The following DGKB variants were observed in gnomAD, a reference collection of about 807,000 sequenced individuals.
DGKB encodes the protein diacylglycerol kinase beta.
In DGKB, 67 loss-of-function variants were observed where a neutral mutation model predicts 114.3. The observed-to-expected ratio is 0.59, with a 90% CI of 0.48 to 0.72. The LOEUF is 0.72. Among genes scored for constraint, DGKB ranks in the 30% least tolerant of loss-of-function variants. The probability of loss-of-function intolerance (pLI) is 0.00; values close to 1 mark genes in which losing one functional copy is unlikely to be tolerated. For missense variants in DGKB, 907 were observed against 975.2 expected (o/e 0.93, Z 0.93); for synonymous variants, 398 against 323.1 (o/e 1.23, Z -2.49).
At chr7:14,212,600 G>T (rs964320532) in intron 23 of DGKB, among the ~76,000 whole-genome samples, 1 of 152,006 alleles carries the variant, frequency 6.6e-6, no homozygotes, top group African/African-American at 2.4e-5. Flanking sequence ...CACCAATACG[G>T]CTTCAATTGC....
rs567132405 is a variant in DGKB at position 14,279,048 on chromosome 7, G to A, written c.2122+59467C>T. On this transcript the variant is annotated intron_variant, in intron 23 of 25. Coordinates refer to ENST00000402815, the MANE Select transcript of DGKB (RefSeq NM_001350709.2). ...CGCACCGTGAGCGAGCCGAAGCAGG[G>A]CGAGGCATTGCCTCACTCAGGAAGC... is the stretch of plus-strand genomic sequence containing the variant. Among the ~76,000 whole-genome samples the A allele has an allele frequency of 3.3e-5, 5 of 152,320 alleles. No homozygotes were observed. In the East Asian group the frequency reaches 9.7e-4, roughly 30 times the overall value.
Position 14,958,401 on chromosome 7 carries a change from C to CA in DGKB, c.-188+16294dup, listed in dbSNP as rs1786637324. Among the ~76,000 whole-genome samples, 3 of 147,046 alleles carry CA rather than the reference C, an allele frequency of 2.0e-5. No individual in the cohort carries two copies. In the South Asian group the frequency reaches 6.5e-4, roughly 32 times the overall value. On this transcript the variant is annotated intron_variant, in intron 1 of 4. Coordinates refer to the DGKB transcript ENST00000437998. ...CAGTTACTAGTTTTCCTGTTAAGCC[C>CA]AAACCCCACACCAATACCTCTCCCA...
chr7:14,331,677 A>G (rs1394704669), intron 23 of DGKB, among the ~76,000 whole-genome samples: 3 of 152,110 alleles, frequency 2.0e-5, no homozygotes, highest in African/African-American at 7.2e-5. Flanking sequence ...GCTCTTCCAA[A>G]ACTCATCTTT....
chr7:14,323,992 T>C lies in DGKB; in HGVS notation c.2122+14523A>G, dbSNP rs1214138374. Among the ~76,000 whole-genome samples, 3 of 152,300 alleles carry C rather than the reference T, an allele frequency of 2.0e-5. No homozygotes were observed. The East Asian group carries it at 5.8e-4, about 29-fold the overall frequency. On this transcript the variant is annotated intron_variant, in intron 23 of 25. Transcript: ENST00000402815. ...CTAAATTTTCAAAGTCTAGAGAAAATGTTTTGTCCATCCTACACAATTCCT... is the reference window on the plus strand; with the variant it reads ...CTAAATTTTCAAAGTCTAGAGAAAACGTTTTGTCCATCCTACACAATTCCT...
chr7:14,167,797 C>G (rs763749611), intron 25 of DGKB, among the ~76,000 whole-genome samples: 1 of 152,184 alleles, frequency 6.6e-6, no homozygotes, highest in Non-Finnish European at 1.5e-5. Context: ...CTGAACCTAA[C>G]AGAGTCAACT....
intron 1 of DGKB, among the ~76,000 whole-genome samples, chr7:14,961,100 G>A (rs1786816874): frequency 6.6e-6 from 1 of 152,018 alleles, no homozygotes; most frequent in African/African-American, 2.4e-5. Context: ...GTATACAGGA[G>A]AGCCTTCCAT....
chr7:14,612,464 C>A (rs1805737692), intron 16 of DGKB, among the ~76,000 whole-genome samples: 1 of 151,954 alleles, frequency 6.6e-6, no homozygotes, highest in African/African-American at 2.4e-5. Flanking sequence ...CTCTTTAAAG[C>A]AAAAATGTTT....
At chr7:14,495,402 T>G (rs746582474) in intron 20 of DGKB, among the ~76,000 whole-genome samples, 5 of 151,850 alleles carry the variant, frequency 3.3e-5, no homozygotes, top group Admixed American at 6.6e-5. Context: ...TTCACTGTTA[T>G]TACACAAAAT....
intron 13 of DGKB, among the ~76,000 whole-genome samples, chr7:14,659,409 G>A (rs900161134): frequency 6.6e-6 from 1 of 151,640 alleles, no homozygotes; most frequent in African/African-American, 2.4e-5. Context: ...TTATTTCCTT[G>A]AGCAGTAGTT....
intron 2 of DGKB, among the ~76,000 whole-genome samples, chr7:14,775,952 A>G (rs1367727649): frequency 6.6e-6 from 1 of 152,128 alleles, no homozygotes; most frequent in Non-Finnish European, 1.5e-5. Context: ...AGAAGTCAGA[A>G]GAATGTGAGA....
intron 23 of DGKB, among the ~76,000 whole-genome samples, chr7:14,299,868 T>C (rs1803216526): frequency 6.6e-6 from 1 of 151,126 alleles, no homozygotes; most frequent in African/African-American, 2.5e-5. Flanking sequence ...ATTATTTCTC[T>C]GAAAGTTATT....
chr7:14,864,807 AT>A (rs1297615439), intron 1 of DGKB, among the ~76,000 whole-genome samples: 1 of 151,752 alleles, frequency 6.6e-6, no homozygotes, highest in African/African-American at 2.4e-5. Flanking sequence ...AAAAAAAAAA[AT>A]ATGGGGCTAG....
At chr7:14,872,801 G>A (rs1370795575) in intron 1 of DGKB, among the ~76,000 whole-genome samples, 2 of 149,274 alleles carry the variant, frequency 1.3e-5, no homozygotes, top group South Asian at 2.1e-4. Context: ...TAACATATAT[G>A]TATATAATAT....
chr7:14,348,315 AAC>A (rs1319139461), intron 21 of DGKB, among the ~76,000 whole-genome samples: 2 of 152,074 alleles, frequency 1.3e-5, no homozygotes, highest in African/African-American at 4.8e-5. Flanking sequence ...TTCACATATC[AAC>A]AGTTTCTTCC....
At chr7:14,938,131 C>G (rs1159728928) in intron 1 of DGKB, among the ~76,000 whole-genome samples, 3 of 152,134 alleles carry the variant, frequency 2.0e-5, no homozygotes, top group East Asian at 1.9e-4. Context: ...TAAGCAGGTA[C>G]ACATCTCTGT....
intron 4 of DGKB, among the ~76,000 whole-genome samples, chr7:14,738,987 G>A (rs1321017523): frequency 6.6e-6 from 1 of 152,096 alleles, no homozygotes; most frequent in Non-Finnish European, 1.5e-5. Context: ...TAACTGATAA[G>A]GGGCAAAGAA....
intron 20 of DGKB, among the ~76,000 whole-genome samples, chr7:14,570,465 C>T (rs906850559): frequency 1.3e-5 from 2 of 152,030 alleles, no homozygotes; most frequent in African/African-American, 4.8e-5. Flanking sequence ...TGGAGCATAA[C>T]ATTTGACTAC....
At chr7:14,463,928 G>A (rs13223986) in intron 21 of DGKB, among the ~76,000 whole-genome samples, 56,397 of 151,754 alleles carry the variant, frequency 0.37, 10,878 homozygotes, top group Admixed American at 0.48. Context: ...CAACTTACAC[G>A]TTAGGTTTAC....
At chr7:14,375,912 C>G (rs773353966) in intron 21 of DGKB, among the ~76,000 whole-genome samples, 1 of 152,206 alleles carries the variant, frequency 6.6e-6, no homozygotes, top group Non-Finnish European at 1.5e-5. Context: ...CAATCCTCTA[C>G]ATGAAGGTCT....
Sources: allele counts gnomAD v4.1 joint callset (sites outside exome capture counted in the v4.1 genomes callset), GRCh38; gene constraint gnomAD v4.1.1; transcripts MANE v1.5; gene names NCBI Gene and HGNC (gene_info 2026-07-23, HGNC 2026-07-21).